MYO3B: variants seen among roughly 807,000 people sequenced by gnomAD.
MYO3B encodes the protein myosin-IIIb.
MYO3B carries 156 observed loss-of-function variants against 174.6 expected under a neutral mutation model. That is an observed-to-expected ratio of 0.89 (90% confidence interval 0.78 to 1.02). The LOEUF is 1.02. Among genes scored for constraint, MYO3B ranks in the 50% least tolerant of loss-of-function variants. The probability of loss-of-function intolerance (pLI) is 0.00; values close to 1 mark genes in which losing one functional copy is unlikely to be tolerated. For synonymous variants in MYO3B, 563 were observed against 569.1 expected (o/e 0.99, Z 0.15); for missense variants, 1,632 against 1,639.4 (o/e 1.00, Z 0.08).
chr2:170,231,852 A>G (rs1238004027), intron 6 of MYO3B, among the ~76,000 whole-genome samples: 1 of 152,226 alleles, frequency 6.6e-6, no homozygotes, highest in Non-Finnish European at 1.5e-5. Flanking sequence ...GGAAGTCGCA[A>G]AGTCGTAGAA....
chr2:170,343,726 T>C (rs1224996834), intron 8 of MYO3B: 1 of 152,244 alleles, frequency 6.6e-6, no homozygotes, highest in Non-Finnish European at 1.5e-5. Flanking sequence ...TTGGAAAATA[T>C]ATATTGGAGA....
rs1000730574 is a variant in MYO3B at position 170,244,130 on chromosome 2, G to C, written c.749+7994G>C. The stretch of plus-strand genomic sequence containing the variant: ...TTTGCTATCAGTTCTATCAGTTTTT[G>C]TGGTGGTTTTGTGCTCGGTTGATGA... On this transcript the variant is annotated intron_variant, in intron 7 of 34. Coordinates refer to ENST00000408978, the MANE Select transcript of MYO3B (RefSeq NM_138995.5). Among the ~76,000 whole-genome samples, 3 of 152,288 alleles carry C rather than the reference G, an allele frequency of 2.0e-5. No individual in the cohort carries two copies. In the East Asian group the frequency reaches 5.8e-4, roughly 29 times the overall value.
intron 25 of MYO3B, among the ~76,000 whole-genome samples, chr2:170,468,600 T>C (rs1684786127): frequency 6.6e-6 from 1 of 152,154 alleles, no homozygotes; most frequent in Admixed American, 6.5e-5. Flanking sequence ...CCTCTACTCA[T>C]GGAGCCTTTG....
At position 170,307,242 on chromosome 2, in the gene MYO3B, CAAAAAA is replaced by C. The variant is rs10718469; in HGVS notation, c.750-28122_750-28117del. 9.2e-4 allele frequency among the ~76,000 whole-genome samples: 53 copies of C among 57,680 alleles called. 1 individual carries two copies. The highest frequency in any genetic ancestry group is 1.9e-3 in the Admixed American group (8 of 4,228). 37.8% of individuals were successfully genotyped at this position (57,680 alleles called of 152,430 possible). A position where few individuals can be genotyped will look rare whatever the true frequency, so the allele number is the denominator to read the frequency against. ...TAGGTGACAGAGTGAGGCCTTATCTCAAAAAAAAAAAAAAAAAAAAAAAAAAGTCTG... is the reference window on the plus strand; with the variant it reads ...TAGGTGACAGAGTGAGGCCTTATCTCAAAAAAAAAAAAAAAAAAAAGTCTG... On this transcript the variant is annotated intron_variant, in intron 7 of 34. Coordinates refer to ENST00000408978, the MANE Select transcript of MYO3B (RefSeq NM_138995.5).
intron 23 of MYO3B, among the ~76,000 whole-genome samples, chr2:170,459,842 T>C (rs13023255): frequency 0.67 from 101,170 of 151,942 alleles, 34,146 homozygotes; most frequent in East Asian, 0.91. Context: ...GGGGACCTGG[T>C]GCACCTTCCG....
In MYO3B at chr2:170,217,410, C is replaced by G; in HGVS notation, c.603+15C>G. 1 of 1,606,840 alleles carries G rather than the reference C, an allele frequency of 6.2e-7. No homozygotes were observed. The highest frequency in any genetic ancestry group is 8.5e-7 in the Non-Finnish European group (1 of 1,173,428). On this transcript the variant is annotated intron_variant, in intron 6 of 34. Coordinates refer to ENST00000408978, the MANE Select transcript of MYO3B (RefSeq NM_138995.5). ...TGGCCCCTGAGGTAAGCTGGAAATA[C>G]CTAGTTCTTTCTTTGCACTTGTTGA...
intron 26 of MYO3B, 75 bp from the exon 27 acceptor site, chr2:170,499,571 T>A: frequency 7.5e-7 from 1 of 1,327,558 alleles, no homozygotes; most frequent in African/African-American, 1.5e-5. Flanking sequence ...ATATTTTCAT[T>A]TAGAATATGC....
chr2:170,459,129 C>G (rs1684089245), intron 23 of MYO3B, among the ~76,000 whole-genome samples: 2 of 152,190 alleles, frequency 1.3e-5, no homozygotes, highest in African/African-American at 4.8e-5. Flanking sequence ...AAAGAGTGAG[C>G]AGCAGCAAGA....
At chr2:170,444,751 C>A (rs2094828094) in intron 23 of MYO3B, among the ~76,000 whole-genome samples, 1 of 152,162 alleles carries the variant, frequency 6.6e-6, no homozygotes, top group Admixed American at 6.5e-5. Context: ...GACTTATTTG[C>A]AGAGTGGGAA....
intron 30 of MYO3B, among the ~76,000 whole-genome samples, chr2:170,529,453 C>CT (rs921694905): frequency 1.3e-5 from 2 of 148,280 alleles, no homozygotes; most frequent in African/African-American, 2.4e-5. Context: ...TTCCTTCTTC[C>CT]TTTTTTTTCT....
At chr2:170,508,410 A>G (rs1687757902) in intron 28 of MYO3B, among the ~76,000 whole-genome samples, 1 of 152,250 alleles carries the variant, frequency 6.6e-6, no homozygotes, top group Non-Finnish European at 1.5e-5. Flanking sequence ...TTTAGACTGT[A>G]ACTACACAAT....
In MYO3B at chr2:170,383,273, A is replaced by G. The variant is rs1242642774; in HGVS notation, c.1185+84A>G. On this transcript the variant is annotated intron_variant, in intron 11 of 34. Transcript: ENST00000408978. ...AAATGAAGAGAAAGAAAAAGTAAGAATAAAATTATGCTACCCTAGATGTAT... is the reference window on the plus strand; with the variant it reads ...AAATGAAGAGAAAGAAAAAGTAAGAGTAAAATTATGCTACCCTAGATGTAT... 5.1e-5 allele frequency: 43 copies of G among 848,232 alleles called. No individual in the cohort carries two copies. In the East Asian group the frequency reaches 1.0e-3, roughly 20 times the overall value. 52.5% of individuals were successfully genotyped at this position (848,232 alleles called of 1,614,324 possible).
chr2:170,318,422 C>T (rs1211836467), intron 7 of MYO3B, among the ~76,000 whole-genome samples: 1 of 152,144 alleles, frequency 6.6e-6, no homozygotes, highest in African/African-American at 2.4e-5. Flanking sequence ...GTAGTCAATG[C>T]AGATCCAGGA....
chr2:170,239,868 C>G (rs745802296), intron 7 of MYO3B, among the ~76,000 whole-genome samples: 5 of 152,216 alleles, frequency 3.3e-5, no homozygotes, highest in Non-Finnish European at 7.3e-5. Flanking sequence ...TATTCTCTCA[C>G]AGTTCTGGAG....
intron 17 of MYO3B, among the ~76,000 whole-genome samples, chr2:170,400,782 C>A (rs1348948269): frequency 6.6e-6 from 1 of 151,816 alleles, no homozygotes; most frequent in African/African-American, 2.4e-5. Flanking sequence ...CCATAAGCTG[C>A]AAGTATTCTG....
chr2:170,526,945 AG>A (rs1038093105), intron 30 of MYO3B, among the ~76,000 whole-genome samples: 2 of 152,238 alleles, frequency 1.3e-5, no homozygotes, highest in Non-Finnish European at 2.9e-5. Context: ...CAAGGACCAG[AG>A]GCCTCTTTTA....
At position 170,180,789 on chromosome 2, in the gene MYO3B, C is replaced by T. The variant is rs1325193612; in HGVS notation, c.2+2500C>T. Among the ~76,000 whole-genome samples, 7 of 152,270 alleles carry T rather than the reference C, an allele frequency of 4.6e-5. No homozygotes were observed. The East Asian group carries it at 1.4e-3, about 29-fold the overall frequency. On this transcript the variant is annotated intron_variant, in intron 1 of 34. Coordinates refer to ENST00000408978, the MANE Select transcript of MYO3B (RefSeq NM_138995.5). ...ATAAGGATATACACATACATAGAGA[C>T]ATACACACAAATATACACATAAAAT...
chr2:170,339,840 C>T (rs374901719), intron 8 of MYO3B, among the ~76,000 whole-genome samples: 2 of 152,162 alleles, frequency 1.3e-5, no homozygotes, highest in Admixed American at 6.5e-5. Context: ...AAATGCAATG[C>T]TCACATAAAT....
At chr2:170,610,325 A>G (rs916159236) in intron 32 of MYO3B, among the ~76,000 whole-genome samples, 2 of 151,050 alleles carry the variant, frequency 1.3e-5, no homozygotes, top group African/African-American at 4.9e-5. Context: ...TGGGTGACAG[A>G]GCAAGACTTT....
Sources: allele counts gnomAD v4.1 joint callset (sites outside exome capture counted in the v4.1 genomes callset), GRCh38; gene constraint gnomAD v4.1.1; transcripts MANE v1.5; gene names NCBI Gene and HGNC (gene_info 2026-07-23, HGNC 2026-07-21).